The following RBFOX1 variants were observed in gnomAD, a reference collection of about 807,000 sequenced individuals.
RBFOX1 encodes the protein RNA binding protein fox-1 homolog 1.
In RBFOX1, 8 loss-of-function variants were observed where a neutral mutation model predicts 57.7. The observed-to-expected ratio is 0.14, with a 90% CI of 0.08 to 0.25. RBFOX1 has a LOEUF of 0.25. Among genes scored for constraint, RBFOX1 ranks in the 10% least tolerant of loss-of-function variants. RBFOX1 has a pLI of 1.00. For missense variants in RBFOX1, 611 were observed against 548.5 expected, an observed-to-expected ratio of 1.11 and a Z score of -1.14; for synonymous variants, 326 against 222.4, an observed-to-expected ratio of 1.47 and a Z score of -4.15.
At chr16:6,614,822 A>C (rs889936429) in intron 2 of RBFOX1, among the ~76,000 whole-genome samples, 3 of 151,976 alleles carry the variant, frequency 2.0e-5, no homozygotes, top group African/African-American at 7.3e-5. Context: ...GACTCACCCT[A>C]CTCCAGGGTT....
chr16:7,640,521 G>T (rs17144423), intron 11 of RBFOX1, among the ~76,000 whole-genome samples: 32,534 of 152,050 alleles, frequency 0.21, 3,845 homozygotes, highest in African/African-American at 0.31. Context: ...GTCACTAGAG[G>T]ATGCTTTTGC....
chr16:6,737,036 G>C (rs948338020), intron 3 of RBFOX1, among the ~76,000 whole-genome samples: 15 of 152,174 alleles, frequency 9.9e-5, no homozygotes, highest in Non-Finnish European at 2.1e-4. Context: ...CATTTAAGCA[G>C]TATTCAGTGA....
chr16:6,970,512 G>C (rs1023266313), intron 3 of RBFOX1, among the ~76,000 whole-genome samples: 3 of 152,146 alleles, frequency 2.0e-5, no homozygotes, highest in African/African-American at 7.2e-5. Flanking sequence ...TAAGATCAGA[G>C]ACATCAGTAG....
chr16:6,335,855 G>A (rs1281366284), intron 2 of RBFOX1, among the ~76,000 whole-genome samples: 1 of 148,996 alleles, frequency 6.7e-6, no homozygotes, highest in African/African-American at 2.5e-5. Flanking sequence ...CTGTAGTAAA[G>A]TCAGAGAACC....
At chr16:6,193,591 T>A (rs1158189314) in intron 1 of RBFOX1, among the ~76,000 whole-genome samples, 4 of 151,118 alleles carry the variant, frequency 2.6e-5, no homozygotes, top group Non-Finnish European at 4.4e-5. Context: ...TTTTAAAAAA[T>A]AAAGAATAAA....
rs145269511 is a variant in RBFOX1 at position 6,066,369 on chromosome 16, TA to T, written c.-127+46386del. Among the ~76,000 whole-genome samples, 585 of 137,618 alleles carry T rather than the reference TA, an allele frequency of 4.3e-3. 5 individuals carry two copies. Among genetic ancestry groups the T allele is most frequent in the African/African-American group, 0.015 (542 of 35,418 alleles). 90.3% of individuals were successfully genotyped at this position (137,618 alleles called of 152,430 possible). ...GAGAGGGTAAATAGAAAGCACTAAT[TA>T]AAAAAAAATCCAATTTCTAAGACTG... On this transcript the variant is annotated intron_variant, in intron 1 of 15. Coordinates refer to ENST00000550418, the MANE Select transcript of RBFOX1 (RefSeq NM_018723.4).
chr16:5,946,512 A>T lies in RBFOX1; in HGVS notation c.351+79177A>T, dbSNP rs1028101085. ...TCATGGTGGGGTGCCTGGAGAGGAC[A>T]TGGAAGTTCTACGCCCTTCCCCGTA... On this transcript the variant is annotated intron_variant, in intron 4 of 19. Transcript: ENST00000641259. This position sits in a 1 kb window ranked among gnomAD's most constrained non-coding sequence, Gnocchi z 4.6. 6.6e-6 allele frequency among the ~76,000 whole-genome samples: 1 copy of T among 152,126 alleles called. No homozygotes were observed. Among genetic ancestry groups the T allele is most frequent in the Admixed American group, 6.6e-5 (1 of 15,266 alleles).
chr16:6,420,830 C>G (rs1009851536), intron 2 of RBFOX1, among the ~76,000 whole-genome samples: 2 of 152,172 alleles, frequency 1.3e-5, no homozygotes, highest in Non-Finnish European at 2.9e-5. Context: ...ATTTGGCACT[C>G]TCTGAGTGCT....
intron 1 of RBFOX1, among the ~76,000 whole-genome samples, chr16:5,382,326 A>G (rs2066150953): frequency 6.6e-6 from 1 of 152,036 alleles, no homozygotes. Context: ...TTTGAAAACT[A>G]TTCGGGCTGA....
At chr16:6,212,417 T>A (rs570191875) in intron 1 of RBFOX1, among the ~76,000 whole-genome samples, 2 of 151,304 alleles carry the variant, frequency 1.3e-5, no homozygotes, top group South Asian at 4.3e-4. Flanking sequence ...ATAAAGCATA[T>A]ATCCACGGCT....
At chr16:7,245,825 C>A (rs989648131) in intron 4 of RBFOX1, among the ~76,000 whole-genome samples, 2 of 152,196 alleles carry the variant, frequency 1.3e-5, no homozygotes, top group African/African-American at 4.8e-5. Context: ...TACACTCATG[C>A]AACTCTTCAC....
At chr16:5,924,368 C>A (rs533443536) in intron 4 of RBFOX1, among the ~76,000 whole-genome samples, 1 of 152,302 alleles carries the variant, frequency 6.6e-6, no homozygotes, top group African/African-American at 2.4e-5. Context: ...GAGATGGGGC[C>A]TAATGAGAGG....
At chr16:6,727,078 GAC>G (rs906502095) in intron 3 of RBFOX1, among the ~76,000 whole-genome samples, 1 of 12,536 alleles carries the variant, frequency 8.0e-5, no homozygotes, top group African/African-American at 1.1e-4. Context: ...CACAGAGAGA[GAC>G]ACACAAAACA....
At chr16:5,926,357 T>A (rs1055731965) in intron 4 of RBFOX1, among the ~76,000 whole-genome samples, 6 of 152,178 alleles carry the variant, frequency 3.9e-5, no homozygotes, top group African/African-American at 9.7e-5. Flanking sequence ...GGATACTGGC[T>A]GTTCTTAATC....
intron 3 of RBFOX1, among the ~76,000 whole-genome samples, chr16:5,689,297 C>A (rs1298214774): frequency 6.6e-6 from 1 of 152,160 alleles, no homozygotes; most frequent in Non-Finnish European, 1.5e-5. Flanking sequence ...ATGTGGGTAT[C>A]ATAATGGTTA....
At chr16:6,120,137 T>C (rs1052486688) in intron 1 of RBFOX1, among the ~76,000 whole-genome samples, 7 of 152,256 alleles carry the variant, frequency 4.6e-5, no homozygotes, top group Admixed American at 1.3e-4. Flanking sequence ...CTTTTATGGC[T>C]GAATAACGTT....
At chr16:7,641,340 C>T (rs371408431) in intron 11 of RBFOX1, among the ~76,000 whole-genome samples, 6 of 152,144 alleles carry the variant, frequency 3.9e-5, no homozygotes, top group African/African-American at 1.4e-4. Context: ...CATATAAACC[C>T]AGTAATGTAA....
intron 2 of RBFOX1, among the ~76,000 whole-genome samples, chr16:6,463,947 G>T (rs1487986720): frequency 6.6e-6 from 1 of 152,000 alleles, no homozygotes; most frequent in Non-Finnish European, 1.5e-5. Context: ...CAGAGAGGAG[G>T]AGAGCCACTA....
intron 2 of RBFOX1, among the ~76,000 whole-genome samples, chr16:6,430,830 C>G (rs555292396): frequency 6.6e-6 from 1 of 152,028 alleles, no homozygotes; most frequent in South Asian, 2.1e-4. Flanking sequence ...GGCAGGGAGA[C>G]TAGTCAAGAA....
Sources: allele counts gnomAD v4.1 joint callset (sites outside exome capture counted in the v4.1 genomes callset), GRCh38; gene constraint gnomAD v4.1.1; non-coding constraint Gnocchi (gnomAD v3.1); transcripts MANE v1.5; gene names NCBI Gene and HGNC (gene_info 2026-07-23, HGNC 2026-07-21).